Variants in RBFOX1 observed in about 807,000 individuals in gnomAD.
RBFOX1 encodes RNA binding fox-1 homolog 1.
A neutral mutation model predicts 57.7 loss-of-function variants in RBFOX1; 8 were observed. The ratio of observed to expected loss-of-function variants is 0.14; its 90% confidence interval spans 0.08 to 0.25. RBFOX1 has a LOEUF of 0.25. Among genes scored for constraint, RBFOX1 ranks in the 10% least tolerant of loss-of-function variants. The probability of loss-of-function intolerance (pLI) is 1.00; values close to 1 mark genes in which losing one functional copy is unlikely to be tolerated. For missense variants in RBFOX1, 611 were observed against 548.5 expected (o/e 1.11, Z -1.14); for synonymous variants, 326 against 222.4 (o/e 1.47, Z -4.15).
chr16:7,099,355 G>A (rs573016122), intron 4 of RBFOX1, among the ~76,000 whole-genome samples: 1 of 152,240 alleles, frequency 6.6e-6, no homozygotes, highest in East Asian at 1.9e-4. Context: ...TCTCCTCGTA[G>A]GATCTTTCTT....
At chr16:6,371,068 C>T (rs1459212074) in intron 2 of RBFOX1, among the ~76,000 whole-genome samples, 1 of 152,132 alleles carries the variant, frequency 6.6e-6, no homozygotes, top group Non-Finnish European at 1.5e-5. Flanking sequence ...TTAAGAGACA[C>T]ATGATATTAG....
intron 2 of RBFOX1, among the ~76,000 whole-genome samples, chr16:5,591,936 T>C (rs1369982275): frequency 1.3e-5 from 2 of 152,246 alleles, no homozygotes; most frequent in African/African-American, 2.4e-5. Flanking sequence ...TGTTGGCCAA[T>C]GTATAATTTC....
intron 1 of RBFOX1, among the ~76,000 whole-genome samples, chr16:6,292,175 A>G (rs959757388): frequency 1.3e-5 from 2 of 152,164 alleles, no homozygotes; most frequent in Admixed American, 6.6e-5. Context: ...TGGGAGGACC[A>G]CTTGAGCCCA....
At chr16:6,489,068 T>C (rs1686329320) in intron 2 of RBFOX1, among the ~76,000 whole-genome samples, 1 of 152,202 alleles carries the variant, frequency 6.6e-6, no homozygotes, top group African/African-American at 2.4e-5. Context: ...AACATCTTTC[T>C]TTATAAATAT....
chr16:7,477,352 A>T (rs542340865), intron 4 of RBFOX1, among the ~76,000 whole-genome samples: 1 of 152,056 alleles, frequency 6.6e-6, no homozygotes, highest in African/African-American at 2.4e-5. Context: ...GCCCTAAATC[A>T]TTGTGAGGAC....
At position 6,229,960 on chromosome 16, in the gene RBFOX1, T is replaced by C. The variant is rs147030185; in HGVS notation, c.-126-87035T>C. Among the ~76,000 whole-genome samples the C allele has an allele frequency of 2.4e-3, 371 of 152,280 alleles. 13 individuals are homozygous for C. Among genetic ancestry groups the C allele is most frequent in the Admixed American group, 0.023 (351 of 15,290 alleles). Reference sequence around the variant, plus strand: ...TTTTAAAGGAAAAGAAAAGGTATGATTCTCCTTTTGTGCATTCAGTACACA... The same window carrying C: ...TTTTAAAGGAAAAGAAAAGGTATGACTCTCCTTTTGTGCATTCAGTACACA... On this transcript the variant is annotated intron_variant, in intron 1 of 15. Transcript: ENST00000550418.
At chr16:7,109,301 C>T (rs2064196589) in intron 4 of RBFOX1, among the ~76,000 whole-genome samples, 2 of 152,256 alleles carry the variant, frequency 1.3e-5, no homozygotes, top group African/African-American at 4.8e-5. Context: ...TCCCCCTTCT[C>T]CCTTGACCAT....
intron 3 of RBFOX1, among the ~76,000 whole-genome samples, chr16:6,983,134 G>T (rs1179241221): frequency 2.6e-5 from 4 of 151,676 alleles, no homozygotes; most frequent in African/African-American, 4.8e-5. Context: ...ACTCTTAGCT[G>T]TTCCATTGAC....
At chr16:7,385,412 TG>T (rs757342493) in intron 4 of RBFOX1, among the ~76,000 whole-genome samples, 1 of 151,990 alleles carries the variant, frequency 6.6e-6, no homozygotes, top group Non-Finnish European at 1.5e-5. Flanking sequence ...GAAAACCCAG[TG>T]GAGGTGAAGG....
At chr16:5,702,820 T>C (rs2051100573) in intron 3 of RBFOX1, among the ~76,000 whole-genome samples, 1 of 152,344 alleles carries the variant, frequency 6.6e-6, no homozygotes, top group Middle Eastern at 3.4e-3. Flanking sequence ...GAACTAAGTT[T>C]AGTAAATGCT....
chr16:6,725,760 C>G (rs964889915), intron 3 of RBFOX1, among the ~76,000 whole-genome samples: 2 of 151,970 alleles, frequency 1.3e-5, no homozygotes, highest in Non-Finnish European at 2.9e-5. Context: ...ATAAATGAAC[C>G]AAAAATGTTG....
chr16:6,941,240 CCCCTCCCATTCCCT>C (rs1371953745), intron 3 of RBFOX1, among the ~76,000 whole-genome samples: 2 of 116,570 alleles, frequency 1.7e-5, no homozygotes, highest in Non-Finnish European at 3.9e-5. Flanking sequence ...CTCCCTCCAT[CCCCTCCCATTCCCT>C]CCCTCCCATT....
chr16:7,695,920 C>G (rs534253886), intron 14 of RBFOX1, among the ~76,000 whole-genome samples: 213 of 152,190 alleles, frequency 1.4e-3, no homozygotes, highest in African/African-American at 4.7e-3. Context: ...CACATTGATG[C>G]CCATGGTGGA....
At chr16:5,659,923 C>T (rs912997422) in intron 3 of RBFOX1, among the ~76,000 whole-genome samples, 3 of 152,144 alleles carry the variant, frequency 2.0e-5, no homozygotes, top group Non-Finnish European at 4.4e-5. Flanking sequence ...GCTGCTGGAT[C>T]TTGTTATTTA....
intron 1 of RBFOX1, among the ~76,000 whole-genome samples, chr16:5,254,473 T>G (rs934098153): frequency 7.2e-5 from 11 of 152,352 alleles, no homozygotes; most frequent in African/African-American, 2.4e-4. Context: ...AAAGGGTGGA[T>G]GTTTACACTT....
intron 1 of RBFOX1, among the ~76,000 whole-genome samples, chr16:5,420,038 G>A (rs550042185): frequency 5.5e-4 from 84 of 152,262 alleles, no homozygotes; most frequent in African/African-American, 1.9e-3. Flanking sequence ...GAGTCCAACT[G>A]AGTCCCCTGC....
At chr16:5,768,399 G>A (rs2151667619) in intron 3 of RBFOX1, among the ~76,000 whole-genome samples, 1 of 152,162 alleles carries the variant, frequency 6.6e-6, no homozygotes, top group African/African-American at 2.4e-5. Flanking sequence ...AGAAAGTCTG[G>A]TTTCAACATG....
chr16:5,855,163 C>A (rs1423837432), intron 3 of RBFOX1, among the ~76,000 whole-genome samples: 1 of 152,146 alleles, frequency 6.6e-6, no homozygotes, highest in Admixed American at 6.5e-5. Context: ...GTATTTTCTC[C>A]CACTCCGTAG....
chr16:5,659,757 G>A (rs572489852), intron 3 of RBFOX1, among the ~76,000 whole-genome samples: 2 of 152,294 alleles, frequency 1.3e-5, no homozygotes, highest in Admixed American at 1.3e-4. Context: ...CAGTTACCAA[G>A]GTAGAGAACA....
Sources: allele counts gnomAD v4.1 joint callset (sites outside exome capture counted in the v4.1 genomes callset), GRCh38; gene constraint gnomAD v4.1.1; transcripts MANE v1.5; gene names NCBI Gene and HGNC (gene_info 2026-07-23, HGNC 2026-07-21).